Variants in PDPR observed in about 807,000 individuals in gnomAD.
PDPR encodes pyruvate dehydrogenase phosphatase regulatory subunit.
In PDPR, 50 loss-of-function variants were observed where a neutral mutation model predicts 102.2. The ratio of observed to expected loss-of-function variants is 0.49; its 90% CI spans 0.39 to 0.62. The LOEUF (loss-of-function observed/expected upper bound fraction) is 0.62. PDPR is among the 20% of genes least tolerant of loss of function. PDPR has a pLI of 0.00. For synonymous variants in PDPR, 259 were observed against 406.0 expected (o/e 0.64, Z 4.35); for missense variants, 625 against 1,098.2 (o/e 0.57, Z 6.09).
chr16:70,116,668 G>A (rs1962671335), intron 2 of PDPR, among the ~76,000 whole-genome samples: 2 of 151,384 alleles, frequency 1.3e-5, no homozygotes, highest in African/African-American at 2.4e-5. Flanking sequence ...CGCACCATGA[G>A]TACCTGGGAC....
intron 16 of PDPR, among the ~76,000 whole-genome samples, chr16:70,148,103 T>C (rs1173827837): frequency 6.6e-6 from 1 of 152,240 alleles, no homozygotes; most frequent in African/African-American, 2.4e-5. Context: ...TGTCTGCTGA[T>C]TCCCCCAGAG....
At chr16:70,143,306 T>C (rs1265424751) in intron 13 of PDPR, among the ~76,000 whole-genome samples, 1 of 152,302 alleles carries the variant, frequency 6.6e-6, no homozygotes, top group Non-Finnish European at 1.5e-5. Context: ...TTCAGGTTTT[T>C]AATTTGCTAG....
intron 15 of PDPR, chr16:70,145,791 A>G (rs1376810984): frequency 2.1e-6 from 1 of 475,498 alleles, no homozygotes; most frequent in Admixed American, 2.6e-5. Context: ...GCTTCTCTGA[A>G]TTTAAAGTCT....
Position 70,147,309 on chromosome 16 carries a change from C to T in PDPR, c.1962+1081C>T, listed in dbSNP as rs1442960420. The stretch of plus-strand genomic sequence containing the variant: ...TAGGATATCTTTGAAGTGGATTTAG[C>T]TTCTCTAAATGTAAAGTCTTTATGC... On this transcript the variant is annotated intron_variant, in intron 16 of 18. Coordinates refer to ENST00000288050, the MANE Select transcript of PDPR (RefSeq NM_017990.5). Among the ~76,000 whole-genome samples, 3 of 151,590 alleles carry T rather than the reference C, an allele frequency of 2.0e-5. No individual in the cohort carries two copies. The Admixed American group carries it at 2.0e-4, about 10-fold the overall frequency.
At chr16:70,163,403 A>AC (rs575861342), downstream of PDPR, among the ~76,000 whole-genome samples, 110 of 152,248 alleles carry the variant, frequency 7.2e-4, 1 homozygote, top group African/African-American at 2.5e-3. Flanking sequence ...GAAACCTGGG[A>AC]CTCACCTGGT....
intron 3 of PDPR, among the ~76,000 whole-genome samples, chr16:70,126,477 C>A (rs1963978911): frequency 6.6e-6 from 1 of 152,258 alleles, no homozygotes; most frequent in Non-Finnish European, 1.5e-5. Context: ...CATTCTCCTT[C>A]CTCAGCCTCC....
At chr16:70,142,730 C>G in intron 13 of PDPR, 44 bp downstream of exon 13, 1 of 1,612,650 alleles carries the variant, frequency 6.2e-7, no homozygotes. Context: ...GGAAACTTTA[C>G]ATATTTATTG....
chr16:70,156,809 C>T lies in PDPR; in HGVS notation c.2570C>T (p.Pro857Leu). 1 of 1,614,070 alleles carries T rather than the reference C, an allele frequency of 6.2e-7. No individual in the cohort carries two copies. Among genetic ancestry groups the T allele is most frequent in the Non-Finnish European group, 8.5e-7 (1 of 1,179,904 alleles). The change falls in exon 19 of 19, where the codon CCT becomes CTT. Residue 857 changes from proline (P) to leucine (L), a missense_variant. Pro to Leu is a moderately conservative substitution (Grantham distance 98). Transcript: ENST00000288050. The stretch of plus-strand genomic sequence containing the variant: ...TTCCAGGCCAAGGCCAAGCTCTACC[C>T]TGTCGCCTCCCTCTTCACCCAGAAG... The part of the protein sequence containing the change: ...YRFQAKAKLY[P>L]VASLFTQKRR...
chr16:70,144,680 G>T lies in PDPR; in HGVS notation c.1867+147G>T, dbSNP rs1396740316. 27 of 646,910 alleles carry T rather than the reference G, an allele frequency of 4.2e-5. No homozygotes were observed. The South Asian group carries it at 4.6e-4, about 11-fold the overall frequency. 40.1% of individuals were successfully genotyped at this position (646,910 alleles called of 1,614,324 possible). On this transcript the variant is annotated intron_variant, in intron 15 of 18. Coordinates refer to ENST00000288050, the MANE Select transcript of PDPR (RefSeq NM_017990.5). Reference sequence around the variant, plus strand: ...GGTCATAGAAAATTGATCTCTAGGGGATGCGGTGGCTGACACCTGTAATCC... The same window carrying T: ...GGTCATAGAAAATTGATCTCTAGGGTATGCGGTGGCTGACACCTGTAATCC...
chr16:70,135,980 A>C (rs746869831), intron 9 of PDPR, among the ~76,000 whole-genome samples: 2 of 152,012 alleles, frequency 1.3e-5, no homozygotes, highest in Non-Finnish European at 2.9e-5. Context: ...GAGGTGAGAG[A>C]GTAGCTTGAA....
Position 70,158,827 on chromosome 16 carries a change from CTG to C in PDPR, c.*1949_*1950del, listed in dbSNP as rs1315548633. The C allele has an allele frequency of 6.5e-6, 1 of 152,700 alleles. No homozygotes were observed. The highest frequency in any genetic ancestry group is 1.5e-5 in the Non-Finnish European group (1 of 68,336). 9.5% of individuals were successfully genotyped at this position (152,700 alleles called of 1,614,324 possible). On this transcript the variant is annotated 3_prime_UTR_variant, in exon 19 of 19. Transcript: ENST00000288050. ...TACCTCCGAAGATGGAGACAGGTGA[CTG>C]AGAGCTGCAGGCCTCCTCTGCTCTT...
chr16:70,132,267 AT>A lies in PDPR; in HGVS notation c.966del (p.Gln323ArgfsTer14). 6.2e-7 allele frequency: 1 copy of A among 1,614,014 alleles called. No individual in the cohort carries two copies. The highest frequency in any genetic ancestry group is 8.5e-7 in the Non-Finnish European group (1 of 1,179,852). ...CACTGAGGGCAAGAACCAGCTGGAGATTCAGAATCTACAGGAAGACTGGGAT... is the reference window on the plus strand; with the variant it reads ...CACTGAGGGCAAGAACCAGCTGGAGATCAGAATCTACAGGAAGACTGGGAT... ...IFTEGKNQLE[I>X]QNLQEDWDHF... is the part of the protein sequence containing the mutation. On this transcript the variant is annotated frameshift_variant, in exon 9 of 19. Transcript: ENST00000288050. LOFTEE classifies it high-confidence loss of function.
At chr16:70,126,548 A>T (rs574747171) in intron 3 of PDPR, among the ~76,000 whole-genome samples, 1 of 152,200 alleles carries the variant, frequency 6.6e-6, no homozygotes, top group African/African-American at 2.4e-5. Context: ...TATTTTTTGT[A>T]GAGACGGGGT....
Position 70,157,069 on chromosome 16 carries a change from C to G in PDPR, c.*190C>G. ...TCTGCAGCCTTCCTTGCCCTTCCAC[C>G]TCCTCCTCCTAATATTCACTCTGGG... On this transcript the variant is annotated 3_prime_UTR_variant, in exon 19 of 19. Coordinates refer to ENST00000288050, the MANE Select transcript of PDPR (RefSeq NM_017990.5). 1 of 802,304 alleles carries G rather than the reference C, an allele frequency of 1.2e-6. No individual in the cohort carries two copies. Among genetic ancestry groups the G allele is most frequent in the South Asian group, 1.5e-5 (1 of 68,138 alleles). 49.7% of individuals were successfully genotyped at this position (802,304 alleles called of 1,614,324 possible). A position where few individuals can be genotyped will look rare whatever the true frequency, so the allele number is the denominator to read the frequency against.
At position 70,157,500 on chromosome 16, in the gene PDPR, A is replaced by T. The variant is rs1393440624; in HGVS notation, c.*621A>T. The T allele has an allele frequency of 7.1e-6, 2 of 281,076 alleles. No homozygotes were observed. The highest frequency in any genetic ancestry group is 4.4e-5 in the African/African-American group (2 of 45,022). 17.4% of individuals were successfully genotyped at this position (281,076 alleles called of 1,614,324 possible). A position where few individuals can be genotyped will look rare whatever the true frequency, so the allele number is the denominator to read the frequency against. On this transcript the variant is annotated 3_prime_UTR_variant, in exon 19 of 19. Transcript: ENST00000288050. ...TGTAGTGGAGACAAGCAGTTAACCT[A>T]GCACCATCCTCATCCTCCCTGCAGA...
In PDPR at chr16:70,127,992, A is replaced by T. The variant is rs1485409087; in HGVS notation, c.361+599A>T. 3.3e-5 allele frequency among the ~76,000 whole-genome samples: 5 copies of T among 152,256 alleles called. No individual in the cohort carries two copies. The East Asian group carries it at 9.6e-4, about 29-fold the overall frequency. ...GATGGTGACCTCTAGTCATTCACCTACGTGCTCAAGACTGACTCTTCCAGG... is the reference window on the plus strand; with the variant it reads ...GATGGTGACCTCTAGTCATTCACCTTCGTGCTCAAGACTGACTCTTCCAGG... On this transcript the variant is annotated intron_variant, in intron 4 of 18. Coordinates refer to ENST00000288050, the MANE Select transcript of PDPR (RefSeq NM_017990.5).
intron 3 of PDPR, among the ~76,000 whole-genome samples, chr16:70,125,709 C>T (rs1963894902): frequency 6.6e-6 from 1 of 152,110 alleles, no homozygotes; most frequent in Non-Finnish European, 1.5e-5. Context: ...GCCTCAGCTC[C>T]TGCAACCTCT....
intron 3 of PDPR, among the ~76,000 whole-genome samples, chr16:70,124,310 C>A (rs1382240258): frequency 6.6e-6 from 1 of 152,272 alleles, no homozygotes; most frequent in Non-Finnish European, 1.5e-5. Flanking sequence ...TTGCAGTGAG[C>A]CAAGTTTGTG....
intron 6 of PDPR, among the ~76,000 whole-genome samples, chr16:70,129,730 T>A (rs1331725339): frequency 1.3e-5 from 2 of 152,266 alleles, no homozygotes; most frequent in Non-Finnish European, 2.9e-5. Context: ...CTTGGAAGTT[T>A]AATCCACACC....
Sources: allele counts gnomAD v4.1 joint callset (sites outside exome capture counted in the v4.1 genomes callset), GRCh38; gene constraint gnomAD v4.1.1; transcripts MANE v1.5; gene names NCBI Gene and HGNC (gene_info 2026-07-23, HGNC 2026-07-21).